SRBD1: variants seen among roughly 807,000 people sequenced by gnomAD.
SRBD1 encodes the protein S1 RNA binding domain 1.
Under a neutral mutation model 115.3 loss-of-function variants are expected in SRBD1, and 88 were observed. The ratio of observed to expected loss-of-function variants is 0.76; its 90% confidence interval spans 0.64 to 0.91. The LOEUF (loss-of-function observed/expected upper bound fraction) is 0.91. Ranked by LOEUF, SRBD1 falls within the 40% of genes least tolerant of loss-of-function variation. SRBD1 has a pLI of 0.00. For synonymous variants in SRBD1, 509 were observed against 407.7 expected (o/e 1.25, Z -2.99); for missense variants, 1,385 against 1,177.4 (o/e 1.18, Z -2.58).
At chr2:45,513,495 C>T (rs1671032165) in intron 14 of SRBD1, among the ~76,000 whole-genome samples, 1 of 151,096 alleles carries the variant, frequency 6.6e-6, no homozygotes, top group African/African-American at 2.4e-5. Flanking sequence ...TCTCTTCATG[C>T]TGAATTCTAA....
intron 16 of SRBD1, among the ~76,000 whole-genome samples, chr2:45,471,226 A>T (rs1204369679): frequency 6.6e-6 from 1 of 152,182 alleles, no homozygotes; most frequent in Non-Finnish European, 1.5e-5. Context: ...GTGAAAAAAA[A>T]TCACATCAAC....
At chr2:45,535,961 T>TCTTACACACATTCTTGGTTA (rs1671751667) in intron 14 of SRBD1, among the ~76,000 whole-genome samples, 3 of 152,088 alleles carry the variant, frequency 2.0e-5, no homozygotes, top group Admixed American at 6.5e-5. Flanking sequence ...GTAACTTCCC[T>TCTTACACACATTCTTGGTTA]CTTACACACA....
intron 14 of SRBD1, among the ~76,000 whole-genome samples, chr2:45,527,184 T>C (rs1671469061): frequency 6.6e-6 from 1 of 151,776 alleles, no homozygotes; most frequent in East Asian, 1.9e-4. Context: ...ACATTATGTG[T>C]GGGGGAGGGG....
intron 16 of SRBD1, among the ~76,000 whole-genome samples, chr2:45,440,358 T>C (rs1487300835): frequency 3.3e-5 from 5 of 152,188 alleles, no homozygotes; most frequent in Admixed American, 1.3e-4. Context: ...GTCGATATGG[T>C]GGACGAATGA....
At chr2:45,569,449 G>A (rs1165905361) in intron 9 of SRBD1, 1 of 152,096 alleles carries the variant, frequency 6.6e-6, no homozygotes, top group African/African-American at 2.4e-5. Flanking sequence ...CTGCCTCAGG[G>A]TCCTGAGTAG....
chr2:45,545,924 T>G (rs1470451957), intron 14 of SRBD1, among the ~76,000 whole-genome samples: 1 of 152,236 alleles, frequency 6.6e-6, no homozygotes, highest in Admixed American at 6.5e-5. Context: ...TTCTGTTACT[T>G]TGTTGATCCT....
intron 16 of SRBD1, among the ~76,000 whole-genome samples, chr2:45,444,468 A>C (rs1668760664): frequency 6.6e-6 from 1 of 152,210 alleles, no homozygotes; most frequent in Non-Finnish European, 1.5e-5. Context: ...GGACAGTGGT[A>C]ATTTTTTTTA....
chr2:45,434,715 T>C (rs979628425), intron 16 of SRBD1, among the ~76,000 whole-genome samples: 3 of 152,092 alleles, frequency 2.0e-5, no homozygotes, highest in Non-Finnish European at 4.4e-5. Context: ...GTCAGCAAGA[T>C]CTGAAATCTG....
At chr2:45,403,251 C>T (rs1429744276) in intron 19 of SRBD1, among the ~76,000 whole-genome samples, 3 of 151,744 alleles carry the variant, frequency 2.0e-5, no homozygotes, top group Non-Finnish European at 4.4e-5. Flanking sequence ...GGAAAGGCAA[C>T]ATTAGGAAAG....
intron 16 of SRBD1, among the ~76,000 whole-genome samples, chr2:45,427,580 C>G (rs1668195901): frequency 6.6e-6 from 1 of 152,188 alleles, no homozygotes. Context: ...AGCTAACTAT[C>G]CTAAATAGAG....
chr2:45,536,540 T>C (rs746400474), intron 14 of SRBD1, among the ~76,000 whole-genome samples: 3 of 152,164 alleles, frequency 2.0e-5, no homozygotes, highest in Non-Finnish European at 4.4e-5. Context: ...AATAAGATTA[T>C]AATAAAGTTT....
Position 45,389,422 on chromosome 2 carries a change from GT to G in SRBD1, c.2875del (p.Thr959GlnfsTer46), listed in dbSNP as rs1558545672. On this transcript the variant is annotated frameshift_variant, in exon 21 of 21. Transcript: ENST00000263736. LOFTEE classifies it high-confidence loss of function. ...RNVTEAKLSK[T>X]KKRRSLGLGP... ...CAGTCCAAGGCTTCTTCTCTTCTTT[GT>G]TTTTGAAAGTTTTGCTTCTGTTACA... 1 of 1,613,948 alleles carries G rather than the reference GT, an allele frequency of 6.2e-7. No individual in the cohort carries two copies. The highest frequency in any genetic ancestry group is 8.5e-7 in the Non-Finnish European group (1 of 1,179,930).
chr2:45,439,642 C>G (rs529630956), intron 16 of SRBD1, among the ~76,000 whole-genome samples: 151 of 151,810 alleles, frequency 9.9e-4, no homozygotes, highest in African/African-American at 3.4e-3. Context: ...ATGGGACAAA[C>G]AAAGCAAACA....
intron 16 of SRBD1, among the ~76,000 whole-genome samples, chr2:45,468,388 C>CT (rs80336252): frequency 0.057 from 7,889 of 139,206 alleles, 639 homozygotes; most frequent in African/African-American, 0.18. Context: ...CTTCAATGAA[C>CT]TTTTTTTTTT....
At chr2:45,468,376 T>G (rs1259115755) in intron 16 of SRBD1, among the ~76,000 whole-genome samples, 1 of 151,708 alleles carries the variant, frequency 6.6e-6, no homozygotes, top group Non-Finnish European at 1.5e-5. Flanking sequence ...CTATAAATAT[T>G]GCTTCAATGA....
intron 14 of SRBD1, among the ~76,000 whole-genome samples, chr2:45,504,850 C>T (rs535712724): frequency 5.3e-5 from 8 of 152,058 alleles, no homozygotes; most frequent in Non-Finnish European, 8.8e-5. Context: ...GACATATGAT[C>T]GTAACAGAAG....
chr2:45,562,876 A>T (rs925576593), intron 9 of SRBD1, 120 bp from the exon 10 acceptor site: 1 of 585,258 alleles, frequency 1.7e-6, no homozygotes, highest in Non-Finnish European at 2.9e-6. Context: ...AATACATTTT[A>T]AAATAATCAT....
intron 9 of SRBD1, among the ~76,000 whole-genome samples, chr2:45,564,622 T>C (rs1672770798): frequency 6.6e-6 from 1 of 152,218 alleles, no homozygotes; most frequent in Non-Finnish European, 1.5e-5. Flanking sequence ...GAAAATAATT[T>C]TTTTTAATTC....
chr2:45,605,435 A>G lies in SRBD1; in HGVS notation c.7T>C (p.Ser3Pro). 6.2e-7 allele frequency: 1 copy of G among 1,613,516 alleles called. No homozygotes were observed. Among genetic ancestry groups the G allele is most frequent in the Non-Finnish European group, 8.5e-7 (1 of 1,179,866 alleles). The stretch of plus-strand genomic sequence containing the variant: ...TGTACTTTCGCTCTTCTTGGCAATG[A>G]TGACATCTAGAAGAAACAGAAAATA... The part of the protein sequence containing the change: MS[S>P]LPRRAKVQVQ... The change falls in exon 2 of 21, where the codon TCA becomes CCA. Residue 3 changes from serine to proline, a missense_variant. Ser to Pro is a moderately conservative substitution (Grantham distance 74). Coordinates refer to ENST00000263736, the MANE Select transcript of SRBD1 (RefSeq NM_018079.5).
Sources: allele counts gnomAD v4.1 joint callset (sites outside exome capture counted in the v4.1 genomes callset), GRCh38; gene constraint gnomAD v4.1.1; transcripts MANE v1.5; gene names NCBI Gene and HGNC (gene_info 2026-07-23, HGNC 2026-07-21).